The following MTA3 variants were observed in gnomAD, a reference collection of about 807,000 sequenced individuals.
MTA3 encodes the protein metastasis-associated protein MTA3.
Under a neutral mutation model 83.5 loss-of-function variants are expected in MTA3, and 34 were observed. The ratio of observed to expected loss-of-function variants is 0.41; its 90% confidence interval spans 0.31 to 0.54. The LOEUF (loss-of-function observed/expected upper bound fraction) is 0.54, where lower values mean the gene tolerates loss of function less well. Ranked by LOEUF, MTA3 falls within the 20% of genes least tolerant of loss-of-function variation. MTA3 has a pLI of 0.33. For missense variants in MTA3, 761 were observed against 726.4 expected, an observed-to-expected ratio of 1.05 and a Z score of -0.55; for synonymous variants, 303 against 252.7, an observed-to-expected ratio of 1.20 and a Z score of -1.89.
At chr2:42,583,685 T>TG (rs2103892677) in intron 3 of MTA3, among the ~76,000 whole-genome samples, 1 of 152,132 alleles carries the variant, frequency 6.6e-6, no homozygotes, top group East Asian at 1.9e-4. Context: ...CATGCCACCA[T>TG]GCCTGGCTAA....
chr2:42,508,155 TGTCA>T (rs1674723553), intron 2 of MTA3, among the ~76,000 whole-genome samples: 1 of 152,102 alleles, frequency 6.6e-6, no homozygotes, highest in African/African-American at 2.4e-5. Flanking sequence ...CATTCCTTCT[TGTCA>T]GTCAAGTCTC....
intron 12 of MTA3, among the ~76,000 whole-genome samples, chr2:42,705,949 A>G (rs1457439333): frequency 1.3e-5 from 2 of 152,190 alleles, no homozygotes; most frequent in African/African-American, 4.8e-5. Flanking sequence ...CTACTTTCCA[A>G]TTGAATTTGA....
intron 4 of MTA3, among the ~76,000 whole-genome samples, chr2:42,639,086 A>C (rs1411379629): frequency 7.4e-6 from 1 of 135,530 alleles, no homozygotes. Flanking sequence ...TTTGAGGCGG[A>C]GTCTTGCTCT....
At chr2:42,734,216 T>C (rs1230795476) in intron 16 of MTA3, among the ~76,000 whole-genome samples, 2 of 152,186 alleles carry the variant, frequency 1.3e-5, no homozygotes, top group African/African-American at 4.8e-5. Context: ...GCTCCAGTGC[T>C]TGGTGCATAT....
intron 4 of MTA3, among the ~76,000 whole-genome samples, chr2:42,631,311 T>G (rs1156967800): frequency 6.6e-6 from 1 of 152,224 alleles, no homozygotes; most frequent in African/African-American, 2.4e-5. Flanking sequence ...CTTAACATTT[T>G]ATAGTGTACA....
intron 2 of MTA3, among the ~76,000 whole-genome samples, chr2:42,576,693 T>C (rs954431393): frequency 3.3e-5 from 5 of 151,166 alleles, no homozygotes; most frequent in Non-Finnish European, 7.4e-5. Flanking sequence ...CTGAGAGGAG[T>C]CTGAGACTAG....
intron 2 of MTA3, among the ~76,000 whole-genome samples, chr2:42,501,764 G>A (rs760845445): frequency 1.3e-5 from 2 of 152,094 alleles, no homozygotes; most frequent in Non-Finnish European, 2.9e-5. Flanking sequence ...GATCACTTGC[G>A]GTCAGGAGTT....
intron 11 of MTA3, among the ~76,000 whole-genome samples, chr2:42,700,237 AG>A (rs1251735743): frequency 6.6e-6 from 1 of 152,082 alleles, no homozygotes; most frequent in Non-Finnish European, 1.5e-5. Context: ...GAGGAGAGTG[AG>A]GGAAGGTTTG....
chr2:42,612,191 CTAAT>C (rs1470810948), intron 4 of MTA3, among the ~76,000 whole-genome samples: 1 of 151,992 alleles, frequency 6.6e-6, no homozygotes, highest in Non-Finnish European at 1.5e-5. Flanking sequence ...TTGTGTGTAA[CTAAT>C]GATGCTAAAG....
chr2:42,703,509 C>T (rs1360137194), intron 11 of MTA3: 1 of 152,282 alleles, frequency 6.6e-6, no homozygotes, highest in African/African-American at 2.4e-5. Context: ...TTTCTCGAAA[C>T]ACAACCATGT....
At position 42,729,098 on chromosome 2, in the gene MTA3, T is replaced by TTTTTTTG. The variant is rs1668052524; in HGVS notation, c.1759+6069_1759+6070insGTTTTTT. Among the ~76,000 whole-genome samples the TTTTTTTG allele has an allele frequency of 2.5e-5, 3 of 122,006 alleles. 1 individual carries two copies. The highest frequency in any genetic ancestry group is 9.8e-5 in the African/African-American group (3 of 30,460). The allele number at this position is 122,006 out of a possible 152,430, so 80.0% of individuals were successfully genotyped here. A position where few individuals can be genotyped will look rare whatever the true frequency, so the allele number is the denominator to read the frequency against. On this transcript the variant is annotated intron_variant, in intron 16 of 16. Transcript: ENST00000405094. ...TTTCACAGTTTGAGTTTTTTTTTTT[T>TTTTTTTG]TTTTTTTTTTTTTTTCACAGAGTCA...
rs1670144677 is a variant in MTA3 at position 42,755,016 on chromosome 2, C to T, written c.*1617C>T. On this transcript the variant is annotated 3_prime_UTR_variant, in exon 17 of 17. Coordinates refer to ENST00000405094, the MANE Select transcript of MTA3 (RefSeq NM_001330442.2). ...AGCTGTGCTGGGTCTTGGCTTGGGG[C>T]GCTGAGGGTGGGGCCTGTGTCAGAA... 5.1e-6 allele frequency: 5 copies of T among 985,406 alleles called. No homozygotes were observed. The highest frequency in any genetic ancestry group is 1.1e-4 in the East Asian group (1 of 8,822). The allele number at this position is 985,406 out of a possible 1,614,324, so 61.0% of individuals were successfully genotyped here.
In MTA3 at chr2:42,610,111, G is replaced by GA. The variant is rs555778046; in HGVS notation, c.317+535dup. ...TGACACTCTGTCTTTAAAAACAAAC[G>GA]AAAAAAAACAATAAGACAATAAAAA... On this transcript the variant is annotated intron_variant, in intron 4 of 16. Coordinates refer to ENST00000405094, the MANE Select transcript of MTA3 (RefSeq NM_001330442.2). Among the ~76,000 whole-genome samples the GA allele has an allele frequency of 7.8e-4, 118 of 151,242 alleles. No homozygotes were observed. The East Asian group carries it at 8.6e-3, about 11-fold the overall frequency.
intron 2 of MTA3, among the ~76,000 whole-genome samples, chr2:42,510,904 T>G (rs1674868938): frequency 6.6e-6 from 1 of 152,204 alleles, no homozygotes; most frequent in Non-Finnish European, 1.5e-5. Flanking sequence ...ACTTTCAAAC[T>G]GAATGGAAGT....
At chr2:42,697,888 C>A in intron 11 of MTA3, 54 bp downstream of exon 11, 1 of 1,249,784 alleles carries the variant, frequency 8.0e-7, no homozygotes, top group Non-Finnish European at 1.1e-6. Flanking sequence ...TTTATCATTG[C>A]AGAATATGTC....
At chr2:42,563,765 C>G (rs1338787595), upstream of MTA3, among the ~76,000 whole-genome samples, 1 of 142,152 alleles carries the variant, frequency 7.0e-6, no homozygotes, top group Non-Finnish European at 1.6e-5. Context: ...CATGCCCGGC[C>G]TGGACCAAAC....
intron 3 of MTA3, among the ~76,000 whole-genome samples, chr2:42,583,186 A>G (rs955430011): frequency 6.6e-6 from 1 of 152,170 alleles, no homozygotes; most frequent in Non-Finnish European, 1.5e-5. Flanking sequence ...CCTACCCAGC[A>G]ATTTGTTGAT....
At chr2:42,667,633 G>A (rs1309699684) in intron 8 of MTA3, among the ~76,000 whole-genome samples, 1 of 143,216 alleles carries the variant, frequency 7.0e-6, no homozygotes, top group Non-Finnish European at 1.6e-5. Context: ...GAGAGAGAGA[G>A]AGAGAGAGAG....
At chr2:42,656,340 C>G (rs775697202) in intron 7 of MTA3, 38 bp downstream of exon 7, 5 of 1,346,242 alleles carry the variant, frequency 3.7e-6, no homozygotes, top group Non-Finnish European at 5.2e-6. Context: ...CAATAAATTT[C>G]TTTATATAAA....
Sources: gnomAD v4.1 joint callset for allele counts (sites outside exome capture counted in the v4.1 genomes callset) on GRCh38, gnomAD v4.1.1 for gene constraint, MANE v1.5 for transcripts, NCBI Gene and HGNC (gene_info 2026-07-23, HGNC 2026-07-21) for gene names.